Variants in SNX4 observed in about 807,000 individuals in gnomAD.
The protein encoded by SNX4 is sorting nexin-4.
SNX4 carries 49 observed loss-of-function variants against 70.8 expected under a neutral mutation model. That is an observed-to-expected ratio of 0.69 (90% CI 0.55 to 0.88). SNX4 has a LOEUF of 0.88. Among genes scored for constraint, SNX4 ranks in the 40% least tolerant of loss-of-function variants. The probability of loss-of-function intolerance (pLI) is 0.00; values close to 1 mark genes in which losing one functional copy is unlikely to be tolerated. For synonymous variants in SNX4, 206 were observed against 183.8 expected (o/e 1.12, Z -0.98); for missense variants, 528 against 544.8 (o/e 0.97, Z 0.31).
At chr3:125,492,601 C>A (rs1238578108) in intron 5 of SNX4, among the ~76,000 whole-genome samples, 1 of 152,186 alleles carries the variant, frequency 6.6e-6, no homozygotes, top group Admixed American at 6.5e-5. Flanking sequence ...TATTCCCCAA[C>A]AAGGACGATG....
In SNX4 at chr3:125,458,772, G is replaced by A. The variant is rs567005758; in HGVS notation, c.945-1407C>T. On this transcript the variant is annotated intron_variant, in intron 10 of 13. Transcript: ENST00000251775. ...GGAGCCTGCAGTGAGCCGAGATCAC[G>A]CCACTGCACTCCAGCCTGGGTGAAA... 5.9e-4 allele frequency among the ~76,000 whole-genome samples: 72 copies of A among 122,906 alleles called. 1 individual carries two copies. In the South Asian group the frequency reaches 0.016, roughly 28 times the overall value. The allele number at this position is 122,906 out of a possible 152,430, so 80.6% of individuals were successfully genotyped here.
intron 1 of SNX4, among the ~76,000 whole-genome samples, chr3:125,515,782 T>G (rs1298911165): frequency 6.6e-6 from 1 of 151,968 alleles, no homozygotes; most frequent in Non-Finnish European, 1.5e-5. Flanking sequence ...GTGCTGTGGC[T>G]CACTCTTGTA....
intron 1 of SNX4, among the ~76,000 whole-genome samples, chr3:125,509,983 T>A (rs1015146146): frequency 6.6e-6 from 1 of 152,050 alleles, no homozygotes; most frequent in African/African-American, 2.4e-5. Context: ...TGTGGAGAAA[T>A]TGGAACCCTC....
At chr3:125,501,337 C>A (rs1934928086) in intron 2 of SNX4, among the ~76,000 whole-genome samples, 1 of 152,136 alleles carries the variant, frequency 6.6e-6, no homozygotes, top group Admixed American at 6.5e-5. Context: ...CATGGTCCAG[C>A]TGGGCACATT....
chr3:125,454,609 C>T (rs1263192728), intron 11 of SNX4, among the ~76,000 whole-genome samples: 2 of 152,280 alleles, frequency 1.3e-5, no homozygotes, highest in South Asian at 4.1e-4. Context: ...GGGACTTAAG[C>T]ATCTGAGGAT....
intron 9 of SNX4, among the ~76,000 whole-genome samples, chr3:125,464,564 C>CTTTTTTTTTTTTTTT (rs778518316): frequency 1.5e-5 from 1 of 67,054 alleles, no homozygotes; most frequent in African/African-American, 6.7e-5. Flanking sequence ...ATTTATCTTT[C>CTTTTTTTTTTTTTTT]TTTTTTTTTT....
At chr3:125,502,727 G>A (rs947849287) in intron 2 of SNX4, among the ~76,000 whole-genome samples, 3 of 151,194 alleles carry the variant, frequency 2.0e-5, no homozygotes, top group Non-Finnish European at 2.9e-5. Context: ...GGTGACGGGC[G>A]CCTGTAATAC....
intron 7 of SNX4, among the ~76,000 whole-genome samples, chr3:125,477,806 T>G (rs1278614446): frequency 1.3e-5 from 2 of 152,152 alleles, no homozygotes; most frequent in Non-Finnish European, 2.9e-5. Context: ...CCACTTGTTT[T>G]GTAAACAGAG....
At chr3:125,502,074 C>T (rs1294054584) in intron 2 of SNX4, among the ~76,000 whole-genome samples, 1 of 152,156 alleles carries the variant, frequency 6.6e-6, no homozygotes, top group Admixed American at 6.5e-5. Flanking sequence ...CAGGCATATA[C>T]TAAATATATC....
chr3:125,496,991 A>G (rs1444251295), intron 5 of SNX4, among the ~76,000 whole-genome samples: 1 of 152,088 alleles, frequency 6.6e-6, no homozygotes, highest in Non-Finnish European at 1.5e-5. Flanking sequence ...AGGACAGAAG[A>G]AAAAAAGAGG....
chr3:125,492,753 T>A (rs1284807105), intron 5 of SNX4, among the ~76,000 whole-genome samples: 2 of 152,230 alleles, frequency 1.3e-5, no homozygotes, highest in Non-Finnish European at 2.9e-5. Context: ...TTCACTACTG[T>A]ATCCACAACG....
At chr3:125,472,651 GAAGGGAGGTA>G (rs1463661731) in intron 8 of SNX4, among the ~76,000 whole-genome samples, 5 of 152,148 alleles carry the variant, frequency 3.3e-5, no homozygotes, top group Non-Finnish European at 7.4e-5. Context: ...GTGAATTGGT[GAAGGGAGGTA>G]AAGGAGGTTT....
At chr3:125,467,972 G>A (rs939862970) in intron 9 of SNX4, among the ~76,000 whole-genome samples, 3 of 152,078 alleles carry the variant, frequency 2.0e-5, no homozygotes, top group Admixed American at 6.6e-5. Context: ...TCACAATAGC[G>A]AAGACATGGA....
At chr3:125,503,763 G>A (rs908311295) in intron 2 of SNX4, among the ~76,000 whole-genome samples, 3 of 152,066 alleles carry the variant, frequency 2.0e-5, no homozygotes, top group Non-Finnish European at 4.4e-5. Flanking sequence ...AGCATGTATC[G>A]TTATTTGATA....
At chr3:125,489,624 T>C (rs1003758248) in intron 5 of SNX4, among the ~76,000 whole-genome samples, 161 bp from the exon 6 acceptor site, 3 of 152,254 alleles carry the variant, frequency 2.0e-5, no homozygotes, top group Non-Finnish European at 4.4e-5. Flanking sequence ...TTAGTAATTA[T>C]TTTTGAAAAC....
intron 6 of SNX4, among the ~76,000 whole-genome samples, chr3:125,484,405 C>T (rs1453666389): frequency 6.6e-6 from 1 of 152,114 alleles, no homozygotes; most frequent in Non-Finnish European, 1.5e-5. Flanking sequence ...CAGGTATGTG[C>T]CACCACACCT....
chr3:125,512,342 A>G (rs1296238247), intron 1 of SNX4, among the ~76,000 whole-genome samples: 2 of 152,264 alleles, frequency 1.3e-5, no homozygotes, highest in African/African-American at 2.4e-5. Context: ...CCAGTCAAAA[A>G]GATAAGACAT....
At chr3:125,476,987 T>C (rs1466095878) in intron 7 of SNX4, among the ~76,000 whole-genome samples, 2 of 152,204 alleles carry the variant, frequency 1.3e-5, no homozygotes, top group East Asian at 3.8e-4. Flanking sequence ...TTAATTACTG[T>C]TTTTAAATTG....
intron 5 of SNX4, among the ~76,000 whole-genome samples, chr3:125,489,998 G>A (rs1934615762): frequency 1.3e-5 from 2 of 152,036 alleles, no homozygotes; most frequent in African/African-American, 2.4e-5. Flanking sequence ...GTGTGATGGC[G>A]CGTGCCTGTA....
Sources: gnomAD v4.1 joint callset for allele counts (sites outside exome capture counted in the v4.1 genomes callset) on GRCh38, gnomAD v4.1.1 for gene constraint, MANE v1.5 for transcripts, NCBI Gene and HGNC (gene_info 2026-07-23, HGNC 2026-07-21) for gene names.